Variants in GALNT18 observed in about 807,000 individuals in gnomAD.
GALNT18 encodes the protein polypeptide N-acetylgalactosaminyltransferase 18, also known as GalNAc-transferase 18.
GALNT18 carries 44 observed loss-of-function variants against 69.5 expected under a neutral mutation model. That is an observed-to-expected ratio of 0.63 (90% confidence interval 0.50 to 0.81). The LOEUF is 0.81. Ranked by LOEUF, GALNT18 falls within the 40% of genes least tolerant of loss-of-function variation. The pLI is 0.00. For synonymous variants in GALNT18, 364 were observed against 318.2 expected, an observed-to-expected ratio of 1.14 and a Z score of -1.53; for missense variants, 715 against 810.0, an observed-to-expected ratio of 0.88 and a Z score of 1.42.
intron 6 of GALNT18, among the ~76,000 whole-genome samples, chr11:11,369,728 G>A (rs1053606793): frequency 1.3e-5 from 2 of 151,928 alleles, no homozygotes; most frequent in African/African-American, 4.8e-5. Flanking sequence ...TTCAGTGTCA[G>A]CTCTTATTTC....
chr11:11,281,825 C>T (rs940939447), intron 10 of GALNT18, among the ~76,000 whole-genome samples: 14 of 151,704 alleles, frequency 9.2e-5, no homozygotes, highest in South Asian at 2.1e-4. Flanking sequence ...TTGGGGGAGG[C>T]GGGTGGATGG....
intron 6 of GALNT18, among the ~76,000 whole-genome samples, chr11:11,366,751 T>G (rs1346829718): frequency 2.0e-5 from 3 of 152,146 alleles, no homozygotes; most frequent in Non-Finnish European, 4.4e-5. Flanking sequence ...GACTTTGTAA[T>G]TTGTGAAGTA....
intron 1 of GALNT18, among the ~76,000 whole-genome samples, chr11:11,535,961 C>G (rs555204487): frequency 7.2e-5 from 11 of 152,320 alleles, no homozygotes; most frequent in Non-Finnish European, 1.5e-4. Flanking sequence ...GAGGGCCTTT[C>G]CCATGTAGAG....
chr11:11,352,992 C>A (rs745940002), intron 6 of GALNT18: 2 of 1,614,188 alleles, frequency 1.2e-6, no homozygotes, highest in African/African-American at 2.7e-5. Context: ...GCCTAATTTT[C>A]GAACCAGCTG....
intron 9 of GALNT18, among the ~76,000 whole-genome samples, chr11:11,311,055 A>C (rs1385741093): frequency 6.6e-6 from 1 of 152,002 alleles, no homozygotes; most frequent in Admixed American, 6.6e-5. Flanking sequence ...GGCCTTTTGG[A>C]GGTGTATGGG....
At chr11:11,295,973 G>A (rs1454984818) in intron 9 of GALNT18, among the ~76,000 whole-genome samples, 1 of 152,068 alleles carries the variant, frequency 6.6e-6, no homozygotes, top group African/African-American at 2.4e-5. Flanking sequence ...TGGATTTCCA[G>A]GTCACCACCG....
chr11:11,389,884 A>G lies in GALNT18; in HGVS notation c.596-10620T>C, dbSNP rs1401982881. Among the ~76,000 whole-genome samples, 2 of 152,198 alleles carry G rather than the reference A, an allele frequency of 1.3e-5. No homozygotes were observed. Among genetic ancestry groups the G allele is most frequent in the Non-Finnish European group, 2.9e-5 (2 of 68,040 alleles). On this transcript the variant is annotated intron_variant, in intron 3 of 10. Coordinates refer to ENST00000227756, the MANE Select transcript of GALNT18 (RefSeq NM_198516.3). The surrounding 1 kb of genome is among the most constrained non-coding windows in gnomAD (Gnocchi z 4.3). ...GTCCAGTGCCCTTAGCAGTTAAGCC[A>G]GAGGCCAACTTGAATTTTGGTGCTG... is the stretch of plus-strand genomic sequence containing the variant.
At position 11,582,706 on chromosome 11, in the gene GALNT18, G is replaced by C. The variant is rs1361177108; in HGVS notation, c.235+38653C>G. Among the ~76,000 whole-genome samples, 1 of 152,262 alleles carries C rather than the reference G, an allele frequency of 6.6e-6. No homozygotes were observed. The highest frequency in any genetic ancestry group is 1.5e-5 in the Non-Finnish European group (1 of 68,048). On this transcript the variant is annotated intron_variant, in intron 1 of 10. Coordinates refer to ENST00000227756, the MANE Select transcript of GALNT18 (RefSeq NM_198516.3). This position sits in a 1 kb window ranked among gnomAD's most constrained non-coding sequence, Gnocchi z 5.0. ...TGTGATGTTGCTCCAGCATAACCCA[G>C]TGGAAACTAACCAACACAGCCTTTC... is the stretch of plus-strand genomic sequence containing the variant.
rs1210355689 is a variant in GALNT18, at chr11:11,543,810, G to A, written c.235+77549C>T. ...GAATGTGCCACGGTGGGTGGGTGTG[G>A]TTATTGCTCCCATTTCTTCTTCTGG... On this transcript the variant is annotated intron_variant, in intron 1 of 10. Transcript: ENST00000227756. The surrounding 1 kb of genome is among the most constrained non-coding windows in gnomAD (Gnocchi z 5.1). 6.6e-6 allele frequency among the ~76,000 whole-genome samples: 1 copy of A among 152,182 alleles called. No individual in the cohort carries two copies. Among genetic ancestry groups the A allele is most frequent in the African/African-American group, 2.4e-5 (1 of 41,438 alleles).
At chr11:11,495,036 C>CA (rs79634554) in intron 1 of GALNT18, among the ~76,000 whole-genome samples, 1,617 of 129,856 alleles carry the variant, frequency 0.012, 18 homozygotes, top group African/African-American at 0.027. Flanking sequence ...AGGAGTGTCT[C>CA]AAAAAAAAAA....
intron 6 of GALNT18, among the ~76,000 whole-genome samples, chr11:11,367,324 C>A (rs1369766985): frequency 6.6e-6 from 1 of 152,140 alleles, no homozygotes; most frequent in African/African-American, 2.4e-5. Flanking sequence ...AGACCATATT[C>A]TAAAGAGGCA....
intron 10 of GALNT18, among the ~76,000 whole-genome samples, chr11:11,289,059 A>G (rs1318847821): frequency 6.6e-6 from 1 of 152,176 alleles, no homozygotes; most frequent in Non-Finnish European, 1.5e-5. Flanking sequence ...ATCTGAATGC[A>G]ATTTGCAAAG....
At chr11:11,560,187 A>G (rs377250273) in intron 1 of GALNT18, among the ~76,000 whole-genome samples, 10 of 109,968 alleles carry the variant, frequency 9.1e-5, no homozygotes, top group African/African-American at 2.1e-4. Flanking sequence ...ATGAGATATG[A>G]TGGGATGGGT....
rs1856041971 is a variant in GALNT18 at position 11,461,503 on chromosome 11, A to G, written c.236-12567T>C. ...CTTGCTACTTTAAAGCAACCTTTAAAGCTAGAATTCTGCCTAGGAGAGATA... is the reference window on the plus strand; with the variant it reads ...CTTGCTACTTTAAAGCAACCTTTAAGGCTAGAATTCTGCCTAGGAGAGATA... On this transcript the variant is annotated intron_variant, in intron 1 of 10. Coordinates refer to ENST00000227756, the MANE Select transcript of GALNT18 (RefSeq NM_198516.3). The surrounding 1 kb of genome is among the most constrained non-coding windows in gnomAD (Gnocchi z 4.1). Among the ~76,000 whole-genome samples the G allele has an allele frequency of 6.6e-6, 1 of 152,220 alleles. No individual in the cohort carries two copies. The highest frequency in any genetic ancestry group is 6.5e-5 in the Admixed American group (1 of 15,278).
At chr11:11,287,602 G>A (rs1372136200) in intron 10 of GALNT18, among the ~76,000 whole-genome samples, 1 of 152,110 alleles carries the variant, frequency 6.6e-6, no homozygotes, top group Non-Finnish European at 1.5e-5. Flanking sequence ...CAGTACGAAG[G>A]CTACTCTCAG....
chr11:11,394,328 TAACAGATGTGGGCTATGGC>T (rs1427002783), intron 3 of GALNT18, among the ~76,000 whole-genome samples: 4 of 151,802 alleles, frequency 2.6e-5, no homozygotes, highest in African/African-American at 9.7e-5. Flanking sequence ...TGAGAAGGAG[TAACAGATGTGGGCTATGGC>T]TGAGTGTAGG....
rs150680881 is a variant in GALNT18, at chr11:11,454,774, G to A, written c.236-5838C>T. The stretch of plus-strand genomic sequence containing the variant: ...CTGCGGTGTCCTCAAAGCTCTGGCA[G>A]ACACGTTGATACCCATCTTCCCTCC... On this transcript the variant is annotated intron_variant, in intron 1 of 10. Coordinates refer to ENST00000227756, the MANE Select transcript of GALNT18 (RefSeq NM_198516.3). The surrounding 1 kb of genome is among the most constrained non-coding windows in gnomAD (Gnocchi z 4.2). Among the ~76,000 whole-genome samples the A allele has an allele frequency of 2.0e-5, 3 of 152,156 alleles. No individual in the cohort carries two copies. Among genetic ancestry groups the A allele is most frequent in the African/African-American group, 7.2e-5 (3 of 41,522 alleles).
chr11:11,591,055 A>T lies in GALNT18; in HGVS notation c.235+30304T>A, dbSNP rs1173090177. Among the ~76,000 whole-genome samples, 2 of 152,110 alleles carry T rather than the reference A, an allele frequency of 1.3e-5. No homozygotes were observed. Among genetic ancestry groups the T allele is most frequent in the Non-Finnish European group, 2.9e-5 (2 of 68,020 alleles). ...AGATATTCCAGAAGAAGGCATTATC[A>T]TCATAGCAGATGACAGCTCTATGCA... On this transcript the variant is annotated intron_variant, in intron 1 of 10. Coordinates refer to ENST00000227756, the MANE Select transcript of GALNT18 (RefSeq NM_198516.3). The surrounding 1 kb of genome is among the most constrained non-coding windows in gnomAD (Gnocchi z 4.8).
chr11:11,272,706 A>G (rs4910293), intron 10 of GALNT18, among the ~76,000 whole-genome samples: 64,079 of 151,978 alleles, frequency 0.42, 14,812 homozygotes, highest in Middle Eastern at 0.6. Context: ...CAACTCCTCC[A>G]TTTCCTCCAG....
Sources: gnomAD v4.1 joint callset for allele counts (sites outside exome capture counted in the v4.1 genomes callset) on GRCh38, gnomAD v4.1.1 for gene constraint, Gnocchi (gnomAD v3.1) non-coding constraint, MANE v1.5 for transcripts, NCBI Gene and HGNC (gene_info 2026-07-23, HGNC 2026-07-21) for gene names.